Variants in SACS observed in about 807,000 individuals in gnomAD.
SACS encodes sacsin molecular chaperone, also known as sacsin.
Under a neutral mutation model 348.0 loss-of-function variants are expected in SACS, and 197 were observed. The observed-to-expected ratio is 0.57, with a 90% CI of 0.50 to 0.64. The LOEUF is 0.64. SACS is among the 30% of genes least tolerant of loss of function. SACS has a pLI of 0.00. For synonymous variants in SACS, 1,985 were observed against 1,910.6 expected (o/e 1.04, Z -1.02); for missense variants, 4,999 against 5,360.8 (o/e 0.93, Z 2.11).
intron 2 of SACS, among the ~76,000 whole-genome samples, chr13:23,376,257 G>C (rs1871797220): frequency 6.6e-6 from 1 of 152,182 alleles, no homozygotes; most frequent in Admixed American, 6.5e-5. Context: ...TGAGTCTTAA[G>C]AGTTGATGAA....
Position 23,335,667 on chromosome 13 carries a change from G to T in SACS, c.8209C>A (p.Leu2737Ile), listed in dbSNP as rs764311076. 1.2e-6 allele frequency: 2 copies of T among 1,614,000 alleles called. No homozygotes were observed. The highest frequency in any genetic ancestry group is 1.7e-6 in the Non-Finnish European group (2 of 1,179,920). Residue 2737 changes from leucine to isoleucine, a missense_variant, in exon 10 of 10, where the codon CTT becomes ATT. By Grantham distance (5) the Leu-to-Ile change is conservative. Transcript: ENST00000382292. This position sits in a 1 kb window ranked among gnomAD's most constrained non-coding sequence, Gnocchi z 4.7. ...TCCATGTGATTAAGAAACATTAGAA[G>T]TTCTGCCCCATCTGAGCGCAGTTTG... is the stretch of plus-strand genomic sequence containing the variant. ...LDKLRSDGAE[L>I]LMFLNHMEKI...
intron 5 of SACS, 36 bp downstream of exon 5, chr13:23,368,365 CA>C (rs1871185619): frequency 7.0e-7 from 1 of 1,437,128 alleles, no homozygotes; most frequent in African/African-American, 1.4e-5. Context: ...TCATTTTTAT[CA>C]AAGTAAATAA....
chr13:23,357,531 C>T (rs1870471307), intron 7 of SACS, among the ~76,000 whole-genome samples: 1 of 152,184 alleles, frequency 6.6e-6, no homozygotes, highest in South Asian at 2.1e-4. Context: ...CACTCTCACA[C>T]GTGTCCCAGT....
At chr13:23,407,250 G>C (rs886101030) in intron 2 of SACS, among the ~76,000 whole-genome samples, 1 of 152,174 alleles carries the variant, frequency 6.6e-6, no homozygotes, top group Non-Finnish European at 1.5e-5. Context: ...CCAGGCTGGA[G>C]TGCAGTGGCG....
chr13:23,395,212 C>T (rs2137909294), intron 2 of SACS, among the ~76,000 whole-genome samples: 1 of 151,908 alleles, frequency 6.6e-6, no homozygotes. Context: ...GAGTCCTAGG[C>T]TTCATTGCTT....
intron 9 of SACS, among the ~76,000 whole-genome samples, chr13:23,348,384 C>T (rs756949169): frequency 6.6e-6 from 1 of 152,134 alleles, no homozygotes; most frequent in Non-Finnish European, 1.5e-5. Flanking sequence ...AAGAGATTTG[C>T]CTTTTGGCCT....
rs1202072329 is a variant in SACS, at chr13:23,336,547, A to G, written c.7329T>C (p.Phe2443=). Residue 2443 remains phenylalanine, a synonymous_variant, in exon 10 of 10, where the codon TTT becomes TTC. Transcript: ENST00000382292. ...WSLIREKKQE[F]CEKNYGKILL... is the part of the protein sequence containing the mutation. Reference sequence around the variant, plus strand: ...ATATCTTGCCATAATTTTTCTCACAAAATTCTTGTTTCTTTTCTCTAATGA... The same window carrying G: ...ATATCTTGCCATAATTTTTCTCACAGAATTCTTGTTTCTTTTCTCTAATGA... The G allele has an allele frequency of 6.2e-7, 1 of 1,613,824 alleles. No homozygotes were observed. Among genetic ancestry groups the G allele is most frequent in the East Asian group, 2.2e-5 (1 of 44,872 alleles).
At chr13:23,407,682 C>T (rs2137949867) in intron 2 of SACS, among the ~76,000 whole-genome samples, 1 of 152,276 alleles carries the variant, frequency 6.6e-6, no homozygotes, top group East Asian at 1.9e-4. Flanking sequence ...ACAGGGGGAA[C>T]TAAAATAGAC....
chr13:23,430,651 G>A (rs1874399079), intron 1 of SACS, among the ~76,000 whole-genome samples: 1 of 152,122 alleles, frequency 6.6e-6, no homozygotes, highest in African/African-American at 2.4e-5. Context: ...CTTTAATGAG[G>A]TAAGGATTTA....
chr13:23,424,609 T>G (rs1307629310), intron 1 of SACS, among the ~76,000 whole-genome samples: 2 of 152,026 alleles, frequency 1.3e-5, no homozygotes, highest in African/African-American at 4.8e-5. Context: ...ACAAGCTATG[T>G]GAGGAGAAAC....
At position 23,338,426 on chromosome 13, in the gene SACS, GTGGTACACTC is replaced by G. The variant is rs1566067485; in HGVS notation, c.5440_5449del (p.Glu1814ArgfsTer14). 1.9e-6 allele frequency: 3 copies of G among 1,613,922 alleles called. No homozygotes were observed. The highest frequency in any genetic ancestry group is 1.7e-5 in the Admixed American group (1 of 59,998). On this transcript the variant is annotated frameshift_variant, in exon 10 of 10. Coordinates refer to ENST00000382292, the MANE Select transcript of SACS (RefSeq NM_014363.6). LOFTEE classifies it high-confidence loss of function. ...GTCCATGCAAGTACACAGAAGCCACGTGGTACACTCTACTGTTTTCTGTGACAACTCATCT... is the reference window on the plus strand; with the variant it reads ...GTCCATGCAAGTACACAGAAGCCACGTACTGTTTTCTGTGACAACTCATCT...
At position 23,355,448 on chromosome 13, in the gene SACS, C is replaced by A. The variant is rs1870303485; in HGVS notation, c.1164G>T (p.Gln388His). Reference protein sequence around the residue: ...VLEEESTKDAQKTSWLVCNSV... With the variant: ...VLEEESTKDAHKTSWLVCNSV... ...TGTTACACACCAACCAAGATGTTTT[C>A]TGTGCATCCTTAGTACTCTCCTCTT... is the stretch of plus-strand genomic sequence containing the variant. Residue 388 changes from glutamine to histidine, a missense_variant, in exon 8 of 10, where the codon CAG becomes CAT. Coordinates refer to ENST00000382292, the MANE Select transcript of SACS (RefSeq NM_014363.6). 1 of 1,613,992 alleles carries A rather than the reference C, an allele frequency of 6.2e-7. No individual in the cohort carries two copies. The highest frequency in any genetic ancestry group is 1.1e-5 in the South Asian group (1 of 91,080).
chr13:23,363,049 C>A (rs1870837048), intron 6 of SACS, among the ~76,000 whole-genome samples: 1 of 150,922 alleles, frequency 6.6e-6, no homozygotes, highest in South Asian at 2.1e-4. Context: ...GCTGGGATTA[C>A]AGGTGCTCAC....
chr13:23,387,782 C>T (rs993656654), intron 2 of SACS, among the ~76,000 whole-genome samples: 4 of 152,020 alleles, frequency 2.6e-5, no homozygotes, highest in African/African-American at 9.7e-5. Context: ...TTAATCTGTC[C>T]CTTAAACTTT....
chr13:23,420,284 G>A (rs1873873844), intron 1 of SACS, among the ~76,000 whole-genome samples: 1 of 152,140 alleles, frequency 6.6e-6, no homozygotes, highest in Admixed American at 6.5e-5. Flanking sequence ...GTGTCTAGAT[G>A]GGGTCTGACA....
intron 4 of SACS, 100 bp downstream of exon 4, chr13:23,370,978 C>G (rs1014068030): frequency 5.8e-6 from 4 of 691,248 alleles, no homozygotes; most frequent in Non-Finnish European, 1.0e-5. Flanking sequence ...GGCGATAGGG[C>G]GAGACTCAGT....
Position 23,336,848 on chromosome 13 carries a change from G to T in SACS, c.7028C>A (p.Pro2343His). 1 of 1,613,248 alleles carries T rather than the reference G, an allele frequency of 6.2e-7. No homozygotes were observed. Among genetic ancestry groups the T allele is most frequent in the South Asian group, 1.1e-5 (1 of 91,020 alleles). ...TKMSIIDKLKPFSFILVENAY... is the reference protein window; with the variant it reads ...TKMSIIDKLKHFSFILVENAY... ...ATTCTCAACTAGAATGAAGCTAAAGGGTTTTAACTTATCAATAATTGACAT... is the reference window on the plus strand; with the variant it reads ...ATTCTCAACTAGAATGAAGCTAAAGTGTTTTAACTTATCAATAATTGACAT... The change falls in exon 10 of 10, where the codon CCC becomes CAC. Residue 2343 changes from proline (P) to histidine (H), a missense_variant. Coordinates refer to ENST00000382292, the MANE Select transcript of SACS (RefSeq NM_014363.6).
rs751336327 is a variant in SACS, at chr13:23,330,457, C to T, written c.13419G>A (p.Val4473=). 6.2e-6 allele frequency: 10 copies of T among 1,614,214 alleles called. No homozygotes were observed. In the South Asian group the frequency reaches 8.8e-5, roughly 14 times the overall value. The part of the protein sequence containing the change: ...NDLHKNANEW[V]CFKCYLSTKL... ...TGGTAGAAAGGTAACATTTAAAGCACACCCACTCATTGGCATTTTTATGAA... is the reference window on the plus strand; with the variant it reads ...TGGTAGAAAGGTAACATTTAAAGCATACCCACTCATTGGCATTTTTATGAA... The change falls in exon 10 of 10, where the codon GTG becomes GTA. Residue 4473 remains valine, a synonymous_variant. Coordinates refer to ENST00000382292, the MANE Select transcript of SACS (RefSeq NM_014363.6).
Position 23,411,349 on chromosome 13 carries a change from C to A in SACS, c.-110G>T. On this transcript the variant is annotated 5_prime_UTR_variant, in exon 2 of 10. Coordinates refer to ENST00000382292, the MANE Select transcript of SACS (RefSeq NM_014363.6). ...TTAAATGTGTACTCCAAGTTCAGCT[C>A]TTCCTGCCAGGTGGAAAAAAAGCCT... is the stretch of plus-strand genomic sequence containing the variant. The A allele has an allele frequency of 2.0e-6, 2 of 1,002,934 alleles. No homozygotes were observed. Among genetic ancestry groups the A allele is most frequent in the Non-Finnish European group, 3.2e-6 (2 of 632,916 alleles). 62.1% of individuals were successfully genotyped at this position (1,002,934 alleles called of 1,614,324 possible). A position where few individuals can be genotyped will look rare whatever the true frequency, so the allele number is the denominator to read the frequency against.
Sources: allele counts gnomAD v4.1 joint callset (sites outside exome capture counted in the v4.1 genomes callset), GRCh38; gene constraint gnomAD v4.1.1; non-coding constraint Gnocchi (gnomAD v3.1); transcripts MANE v1.5; gene names NCBI Gene and HGNC (gene_info 2026-07-23, HGNC 2026-07-21).